Variants in LPIN1 observed in about 807,000 individuals in gnomAD.
LPIN1 encodes the protein lipin 1.
Under a neutral mutation model 107.5 loss-of-function variants are expected in LPIN1, and 71 were observed. That is an observed-to-expected ratio of 0.66 (90% CI 0.55 to 0.80). The LOEUF is 0.80. LPIN1 is among the 30% of genes least tolerant of loss of function. LPIN1 has a pLI of 0.00. For missense variants in LPIN1, 1,043 were observed against 1,160.6 expected, an observed-to-expected ratio of 0.90 and a Z score of 1.47; for synonymous variants, 445 against 452.6, an observed-to-expected ratio of 0.98 and a Z score of 0.21.
chr2:11,731,521 G>A (rs1193624748), intron 1 of LPIN1, among the ~76,000 whole-genome samples: 1 of 152,106 alleles, frequency 6.6e-6, no homozygotes, highest in Non-Finnish European at 1.5e-5. Context: ...TGTAAATAGT[G>A]CTGCAATAAA....
chr2:11,678,166 T>A (rs942358102), intron 1 of LPIN1, among the ~76,000 whole-genome samples: 2 of 152,204 alleles, frequency 1.3e-5, no homozygotes, highest in Non-Finnish European at 2.9e-5. Context: ...ACCAGTGCTG[T>A]CTCCAATAAC....
intron 1 of LPIN1, among the ~76,000 whole-genome samples, chr2:11,736,199 G>A (rs1017568147): frequency 2.0e-5 from 3 of 152,210 alleles, no homozygotes; most frequent in Non-Finnish European, 2.9e-5. Flanking sequence ...TTTAGGATGC[G>A]AGCATCTTTT....
chr2:11,805,812 C>T (rs1219028321), intron 17 of LPIN1, among the ~76,000 whole-genome samples: 1 of 152,198 alleles, frequency 6.6e-6, no homozygotes, highest in Admixed American at 6.5e-5. Flanking sequence ...ACTAGGAGAA[C>T]TAAAGTGATT....
chr2:11,795,050 C>T (rs941220606), intron 13 of LPIN1, among the ~76,000 whole-genome samples: 4 of 152,154 alleles, frequency 2.6e-5, no homozygotes, highest in African/African-American at 9.7e-5. Context: ...TTTCTATCAG[C>T]AATTACAAGA....
intron 1 of LPIN1, among the ~76,000 whole-genome samples, chr2:11,733,993 G>A (rs1350621855): frequency 6.6e-6 from 1 of 152,222 alleles, no homozygotes; most frequent in Non-Finnish European, 1.5e-5. Context: ...GCAGGGCTGG[G>A]ACACAAAGCC....
At chr2:11,682,544 T>C (rs1661775601) in intron 1 of LPIN1, 1 of 152,424 alleles carries the variant, frequency 6.6e-6, no homozygotes, top group African/African-American at 2.4e-5. Flanking sequence ...CAGTTCGTGG[T>C]TGGGGATAGG....
rs1682362981 is a variant in LPIN1 at position 11,826,317 on chromosome 2, CCAAATGGTT to C, written c.*1529_*1537del. ...GCCCCGTTAGCATTGGATGCCTTTG[CCAAATGGTT>C]CATGTGGACACACAAAGGCAAACAG... On this transcript the variant is annotated 3_prime_UTR_variant, in exon 21 of 21. Coordinates refer to ENST00000674199, the MANE Select transcript of LPIN1 (RefSeq NM_001349206.2). 6.6e-6 allele frequency: 1 copy of C among 152,496 alleles called. No homozygotes were observed. Among genetic ancestry groups the C allele is most frequent in the East Asian group, 1.9e-4 (1 of 5,194 alleles). 9.4% of individuals were successfully genotyped at this position (152,496 alleles called of 1,614,324 possible).
chr2:11,703,899 T>C (rs1338144145), intron 1 of LPIN1, among the ~76,000 whole-genome samples: 1 of 152,228 alleles, frequency 6.6e-6, no homozygotes, highest in Non-Finnish European at 1.5e-5. Flanking sequence ...CTGTTCCTCA[T>C]GGCATTGACT....
At chr2:11,720,082 T>C (rs1664023776), upstream of LPIN1, among the ~76,000 whole-genome samples, 1 of 152,188 alleles carries the variant, frequency 6.6e-6, no homozygotes. Context: ...TACTAGCTCT[T>C]GTATTCCTAG....
chr2:11,783,488 T>C (rs570265034), intron 8 of LPIN1, among the ~76,000 whole-genome samples: 11 of 152,234 alleles, frequency 7.2e-5, no homozygotes, highest in African/African-American at 2.6e-4. Flanking sequence ...CATTTTCCAA[T>C]GGGAAAAGCG....
At chr2:11,732,907 C>CTG (rs753216186) in intron 1 of LPIN1, among the ~76,000 whole-genome samples, 1,982 of 150,712 alleles carry the variant, frequency 0.013, 40 homozygotes, top group African/African-American at 0.043. Context: ...CTCTCTCTCT[C>CTG]TCTCTGTGTG....
chr2:11,813,923 TAAAC>T lies in LPIN1; in HGVS notation c.2250-1161_2250-1158del, dbSNP rs1233670551. Among the ~76,000 whole-genome samples, 3 of 148,830 alleles carry T rather than the reference TAAAC, an allele frequency of 2.0e-5. No homozygotes were observed. In the East Asian group the frequency reaches 5.9e-4, roughly 29 times the overall value. The stretch of plus-strand genomic sequence containing the variant: ...AGCAAGACTCTGTCTCGAAAACAAA[TAAAC>T]AAAAAAAAAAAGTGAAATGGACCTG... On this transcript the variant is annotated intron_variant, in intron 17 of 20. Coordinates refer to ENST00000674199, the MANE Select transcript of LPIN1 (RefSeq NM_001349206.2).
At chr2:11,698,766 AG>A (rs1214996567) in intron 1 of LPIN1, among the ~76,000 whole-genome samples, 2 of 152,184 alleles carry the variant, frequency 1.3e-5, no homozygotes, top group African/African-American at 4.8e-5. Flanking sequence ...ACATTTTGTG[AG>A]CAGAAGGTGG....
In LPIN1 at chr2:11,767,750, G is replaced by A. The variant is rs745819417; in HGVS notation, c.193-13G>A. 6.4e-7 allele frequency: 1 copy of A among 1,565,712 alleles called. No homozygotes were observed. The highest frequency in any genetic ancestry group is 8.8e-7 in the Non-Finnish European group (1 of 1,135,858). Reference sequence around the variant, plus strand: ...GGCAGTTCATTCTTTTCTTAACCATGTTTTCCCTTCAGGTTGACATAGAAA... The same window carrying A: ...GGCAGTTCATTCTTTTCTTAACCATATTTTCCCTTCAGGTTGACATAGAAA... On this transcript the variant is annotated splice_polypyrimidine_tract_variant and intron_variant, in intron 2 of 20. Coordinates refer to ENST00000674199, the MANE Select transcript of LPIN1 (RefSeq NM_001349206.2).
At chr2:11,726,677 C>A (rs1664696571) in intron 1 of LPIN1, among the ~76,000 whole-genome samples, 1 of 152,138 alleles carries the variant, frequency 6.6e-6, no homozygotes, top group African/African-American at 2.4e-5. Context: ...CAATGTTGAG[C>A]CAGTTATTTT....
chr2:11,765,584 G>T lies in LPIN1; in HGVS notation c.43G>T (p.Val15Leu). Residue 15 changes from valine (V) to leucine (L), a missense_variant, in exon 2 of 21, where the codon GTG (valine) becomes TTG (leucine). By Grantham distance (32) the Val-to-Leu change is conservative. Transcript: ENST00000674199. The surrounding 1 kb of genome is among the most constrained non-coding windows in gnomAD (Gnocchi z 4.4). ...GQLAGQVFVTVKELYKGLNPA... is the reference protein window; with the variant it reads ...GQLAGQVFVTLKELYKGLNPA... Reference sequence around the variant, plus strand: ...GTTAGCCGGCCAGGTGTTTGTCACCGTGAAGGAGCTCTACAAGGGGCTGAA... The same window carrying T: ...GTTAGCCGGCCAGGTGTTTGTCACCTTGAAGGAGCTCTACAAGGGGCTGAA... 2 of 1,614,128 alleles carry T rather than the reference G, an allele frequency of 1.2e-6. No homozygotes were observed. Among genetic ancestry groups the T allele is most frequent in the Non-Finnish European group, 1.7e-6 (2 of 1,180,002 alleles).
intron 12 of LPIN1, among the ~76,000 whole-genome samples, chr2:11,789,631 G>A (rs1572846394): frequency 6.6e-6 from 1 of 152,166 alleles, no homozygotes; most frequent in African/African-American, 2.4e-5. Flanking sequence ...CCTGGGTGGT[G>A]CTTTATCTGA....
chr2:11,696,785 AG>A (rs756732240), intron 1 of LPIN1, among the ~76,000 whole-genome samples: 49 of 152,332 alleles, frequency 3.2e-4, no homozygotes, highest in Non-Finnish European at 6.3e-4. Flanking sequence ...CAGTGGCCCG[AG>A]GGAGCTCCTT....
chr2:11,708,061 G>A (rs1281802085), intron 1 of LPIN1, among the ~76,000 whole-genome samples: 2 of 152,012 alleles, frequency 1.3e-5, no homozygotes, highest in Non-Finnish European at 2.9e-5. Context: ...AGGCAGTGGG[G>A]CAGCAACCTT....
Sources: gnomAD v4.1 joint callset for allele counts (sites outside exome capture counted in the v4.1 genomes callset) on GRCh38, gnomAD v4.1.1 for gene constraint, Gnocchi (gnomAD v3.1) non-coding constraint, MANE v1.5 for transcripts, NCBI Gene and HGNC (gene_info 2026-07-23, HGNC 2026-07-21) for gene names.